Variants in FAM118B observed in about 807,000 individuals in gnomAD.
FAM118B encodes the protein SIR2 antiphage like 1, also known as protein FAM118B.
FAM118B carries 24 observed loss-of-function variants against 38.5 expected under a neutral mutation model. The observed-to-expected ratio is 0.62, with a 90% CI of 0.45 to 0.88. The LOEUF is 0.88. FAM118B is among the 40% of genes least tolerant of loss of function. The pLI is 0.00. For synonymous variants in FAM118B, 138 were observed against 156.3 expected (o/e 0.88, Z 0.87); for missense variants, 334 against 420.0 (o/e 0.80, Z 1.79).
At chr11:126,222,634 C>T (rs571459290) in intron 1 of FAM118B, among the ~76,000 whole-genome samples, 1 of 152,324 alleles carries the variant, frequency 6.6e-6, no homozygotes, top group East Asian at 1.9e-4. Context: ...TGGTGGATAT[C>T]AGCACGGAAG....
chr11:126,235,584 T>C (rs1001421789), intron 3 of FAM118B, among the ~76,000 whole-genome samples: 3 of 152,114 alleles, frequency 2.0e-5, no homozygotes, highest in Non-Finnish European at 4.4e-5. Flanking sequence ...AGTGGCACGA[T>C]CTTGGCTCAC....
chr11:126,217,910 C>T (rs1428476285), intron 1 of FAM118B, among the ~76,000 whole-genome samples: 1 of 152,156 alleles, frequency 6.6e-6, no homozygotes, highest in African/African-American at 2.4e-5. Context: ...TTAAATCCTT[C>T]TTACGTGACC....
chr11:126,240,079 G>A (rs1317801696), intron 3 of FAM118B, among the ~76,000 whole-genome samples: 2 of 149,624 alleles, frequency 1.3e-5, no homozygotes, highest in Admixed American at 6.6e-5. Flanking sequence ...CAGAATGAAA[G>A]AGAGGGGAAC....
chr11:126,233,956 C>T (rs1044121905), intron 2 of FAM118B, among the ~76,000 whole-genome samples: 2 of 152,102 alleles, frequency 1.3e-5, no homozygotes, highest in South Asian at 4.1e-4. Context: ...GTAGCATGTG[C>T]CTGTAGTCCC....
chr11:126,234,012 G>A (rs1056682141), intron 2 of FAM118B, among the ~76,000 whole-genome samples: 14 of 152,132 alleles, frequency 9.2e-5, no homozygotes, highest in African/African-American at 3.4e-4. Flanking sequence ...AGCCCAGGAG[G>A]CCGAGACTGC....
Position 126,258,603 on chromosome 11 carries a change from C to T in FAM118B, c.982+1751C>T, listed in dbSNP as rs182418227. ...TCATTTGTGAAAACTATTTACTATT[C>T]TTTGTTGGAAATGAGTTTTTCTGGT... On this transcript the variant is annotated intron_variant, in intron 7 of 8. Transcript: ENST00000533050. Among the ~76,000 whole-genome samples, 31 of 152,260 alleles carry T rather than the reference C, an allele frequency of 2.0e-4. No individual in the cohort carries two copies. The East Asian group carries it at 4.4e-3, about 22-fold the overall frequency.
chr11:126,246,595 A>G (rs775427050), intron 4 of FAM118B, among the ~76,000 whole-genome samples: 4 of 151,882 alleles, frequency 2.6e-5, no homozygotes, highest in Admixed American at 6.6e-5. Flanking sequence ...GCGGTGGGGG[A>G]ACAGGTTTTT....
intron 4 of FAM118B, among the ~76,000 whole-genome samples, chr11:126,247,750 C>T (rs187942160): frequency 5.8e-4 from 87 of 151,046 alleles, no homozygotes; most frequent in Middle Eastern, 3.4e-3. Flanking sequence ...CCCAGCTACT[C>T]GGGAGGCTGA....
intron 7 of FAM118B, chr11:126,261,006 A>T (rs688479): frequency 0.21 from 33,299 of 159,540 alleles, 4,623 homozygotes; most frequent in East Asian, 0.64. Context: ...ACCGTATTTT[A>T]TTTTGTGGGA....
chr11:126,240,988 C>G lies in FAM118B; in HGVS notation c.283C>G (p.His95Asp). Residue 95 changes from histidine to aspartate, a missense_variant, in exon 4 of 9, where the codon CAT (histidine) becomes GAT (aspartate). His to Asp is a moderately conservative substitution (Grantham distance 81, BLOSUM62 -1). Around this residue, in one of 3 missense-constraint regions of FAM118B, gnomAD observed 240 missense variants for 295.9 expected, o/e 0.81. Transcript: ENST00000533050. ...EESKKFQKCL[H>D]EDKNLVHVAH... ...GAGCAAAAAGTTTCAGAAATGTCTCCATGAAGACAAGAACCTGGTCCATGT... is the reference window on the plus strand; with the variant it reads ...GAGCAAAAAGTTTCAGAAATGTCTCGATGAAGACAAGAACCTGGTCCATGT... 6.2e-7 allele frequency: 1 copy of G among 1,613,880 alleles called. No individual in the cohort carries two copies. The highest frequency in any genetic ancestry group is 8.5e-7 in the Non-Finnish European group (1 of 1,179,908).
At chr11:126,257,515 C>T (rs1950596581) in intron 7 of FAM118B, among the ~76,000 whole-genome samples, 1 of 149,498 alleles carries the variant, frequency 6.7e-6, no homozygotes, top group African/African-American at 2.5e-5. Context: ...GTTTTCATTG[C>T]CATAAAAAAA....
chr11:126,248,132 C>G (rs953476315), intron 4 of FAM118B, among the ~76,000 whole-genome samples: 1 of 149,114 alleles, frequency 6.7e-6, no homozygotes, highest in African/African-American at 2.4e-5. Flanking sequence ...GGCAACAGAG[C>G]AAGACTCTGT....
chr11:126,243,469 A>G (rs1187818112), intron 4 of FAM118B, among the ~76,000 whole-genome samples: 1 of 141,892 alleles, frequency 7.0e-6, no homozygotes, highest in Admixed American at 7.1e-5. Flanking sequence ...GTCTGCCTCT[A>G]AAAAAAAAAA....
intron 4 of FAM118B, among the ~76,000 whole-genome samples, chr11:126,241,981 C>T (rs1343317177): frequency 1.4e-5 from 2 of 145,032 alleles, no homozygotes; most frequent in South Asian, 2.2e-4. Context: ...GTTGCGGTCG[C>T]GCCACTGCAC....
chr11:126,245,996 CAAA>C (rs537478587), intron 4 of FAM118B, among the ~76,000 whole-genome samples: 3 of 82,216 alleles, frequency 3.6e-5, no homozygotes, highest in Non-Finnish European at 2.5e-5. Context: ...GACTCCGTCC[CAAA>C]AAAAAAAAAA....
chr11:126,247,548 A>G (rs1380857196), intron 4 of FAM118B, among the ~76,000 whole-genome samples: 1 of 152,116 alleles, frequency 6.6e-6, no homozygotes, highest in Admixed American at 6.6e-5. Flanking sequence ...GTGTGTAATA[A>G]TAAAACTGGT....
At chr11:126,260,155 C>T (rs1950658270) in intron 7 of FAM118B, among the ~76,000 whole-genome samples, 4 of 152,142 alleles carry the variant, frequency 2.6e-5, no homozygotes, top group Admixed American at 2.6e-4. Flanking sequence ...ACCTCAGCCT[C>T]CCGAGTAGCT....
At chr11:126,259,023 G>A (rs1307173412) in intron 7 of FAM118B, among the ~76,000 whole-genome samples, 1 of 152,164 alleles carries the variant, frequency 6.6e-6, no homozygotes, top group Admixed American at 6.5e-5. Context: ...AAGGTGTTCT[G>A]TATCTTTAAA....
At chr11:126,232,659 C>A (rs1347049825) in intron 2 of FAM118B, among the ~76,000 whole-genome samples, 4 of 150,714 alleles carry the variant, frequency 2.7e-5, no homozygotes, top group Non-Finnish European at 5.9e-5. Flanking sequence ...TTAAAAACAA[C>A]TTAAAAAATA....
Sources: gnomAD v4.1 joint callset for allele counts (sites outside exome capture counted in the v4.1 genomes callset) on GRCh38, gnomAD v4.1.1 for gene constraint, gnomAD v4.1.1 regional missense constraint, MANE v1.5 for transcripts, NCBI Gene and HGNC (gene_info 2026-07-23, HGNC 2026-07-21) for gene names.